CNN1: variants seen among roughly 807,000 people sequenced by gnomAD.
CNN1 encodes calponin 1.
CNN1 carries 21 observed loss-of-function variants against 35.3 expected under a neutral mutation model. The observed-to-expected ratio is 0.60, with a 90% CI of 0.42 to 0.86. The LOEUF is 0.86. CNN1 is among the 40% of genes least tolerant of loss of function. The pLI, the probability that CNN1 is intolerant of heterozygous loss-of-function variation, is 0.00. For missense variants in CNN1, 314 were observed against 400.8 expected (o/e 0.78, Z 1.85); for synonymous variants, 164 against 161.8 (o/e 1.01, Z -0.10).
rs1017505362 is a variant in CNN1 at position 11,549,730 on chromosome 19, G to C, written c.829G>C (p.Glu277Gln). Residue 277 changes from glutamate to glutamine, a missense_variant, in exon 7 of 7, where the codon GAG becomes CAG. Physicochemically the swap from Glu to Gln is conservative, Grantham distance 29 (BLOSUM62 2). Coordinates refer to ENST00000252456, the MANE Select transcript of CNN1 (RefSeq NM_001299.6). This position sits in a 1 kb window ranked among gnomAD's most constrained non-coding sequence, Gnocchi z 5.2. ...CGACCCCAAGTACTGTCTGACTCCC[G>C]AGTACCCAGAGCTGGGTGAGCCCGC... is the stretch of plus-strand genomic sequence containing the variant. ...VYDPKYCLTP[E>Q]YPELGEPAHN... 2 of 1,614,192 alleles carry C rather than the reference G, an allele frequency of 1.2e-6. No homozygotes were observed. The highest frequency in any genetic ancestry group is 1.7e-6 in the Non-Finnish European group (2 of 1,180,018).
intron 1 of CNN1, 47 bp downstream of exon 1, chr19:11,539,037 C>T (rs1311518107): frequency 2.0e-6 from 3 of 1,478,876 alleles, no homozygotes; most frequent in Admixed American, 4.6e-5. Context: ...TCCTGCCAGG[C>T]CAGAGCCCTG....
At chr19:11,545,646 G>A (rs1972563636) in intron 2 of CNN1, among the ~76,000 whole-genome samples, 1 of 151,752 alleles carries the variant, frequency 6.6e-6, no homozygotes, top group African/African-American at 2.4e-5. Flanking sequence ...GGCATATGGA[G>A]GCACTTAAAG....
At chr19:11,539,395 G>A (rs1972408843) in intron 1 of CNN1, 10 of 1,069,026 alleles carry the variant, frequency 9.4e-6, no homozygotes, top group Non-Finnish European at 1.1e-5. Context: ...TGAAAGTGTG[G>A]GAGATCCTGA....
intron 5 of CNN1, among the ~76,000 whole-genome samples, chr19:11,548,168 T>A (rs1408894038): frequency 6.6e-6 from 1 of 152,158 alleles, no homozygotes; most frequent in African/African-American, 2.4e-5. Context: ...TTCCAGCTGA[T>A]GCGTGGCAGG....
intron 2 of CNN1, among the ~76,000 whole-genome samples, chr19:11,545,440 C>G (rs1482179481): frequency 7.0e-6 from 1 of 142,728 alleles, no homozygotes; most frequent in Non-Finnish European, 1.5e-5. Flanking sequence ...GGGGGCAAGT[C>G]CAAGGGCTCT....
rs1301746606 is a variant in CNN1, at chr19:11,539,371, G to A, written c.63+381G>A. 4 of 1,076,402 alleles carry A rather than the reference G, an allele frequency of 3.7e-6. No individual in the cohort carries two copies. The Admixed American group carries it at 2.0e-4, about 54-fold the overall frequency. The allele number at this position is 1,076,402 out of a possible 1,614,324, so 66.7% of individuals were successfully genotyped here. Reference sequence around the variant, plus strand: ...GGAGCGCTTGAGTGCTGGGGTACCTGGGAAGTGACGCCGTGAAAGTGTGGG... The same window carrying A: ...GGAGCGCTTGAGTGCTGGGGTACCTAGGAAGTGACGCCGTGAAAGTGTGGG... On this transcript the variant is annotated intron_variant, in intron 1 of 6. Coordinates refer to ENST00000252456, the MANE Select transcript of CNN1 (RefSeq NM_001299.6).
intron 1 of CNN1, chr19:11,539,402 C>T: frequency 9.3e-7 from 1 of 1,071,056 alleles, no homozygotes; most frequent in Non-Finnish European, 1.1e-6. Context: ...GTGGGAGATC[C>T]TGAAGACAGA....
At chr19:11,547,267 C>A (rs989862696) in intron 4 of CNN1, among the ~76,000 whole-genome samples, 10 of 151,944 alleles carry the variant, frequency 6.6e-5, no homozygotes, top group African/African-American at 2.4e-4. Flanking sequence ...CGTGGTGACG[C>A]ATGCCTGTAA....
At chr19:11,541,256 C>T in intron 2 of CNN1, 59 bp downstream of exon 2, 9 of 1,482,338 alleles carry the variant, frequency 6.1e-6, no homozygotes, top group Non-Finnish European at 8.1e-6. Flanking sequence ...TGCAGCCCCT[C>T]AACCCCCAAA....
chr19:11,541,649 C>T (rs1972464151), intron 2 of CNN1, among the ~76,000 whole-genome samples: 1 of 152,202 alleles, frequency 6.6e-6, no homozygotes, highest in Non-Finnish European at 1.5e-5. Flanking sequence ...AGTGCAGAGA[C>T]ACAATCTCGG....
Position 11,546,780 on chromosome 19 carries a change from GCCCCTCAGACCT to G in CNN1, c.253-45_253-34del, listed in dbSNP as rs565378467. 1.3e-4 allele frequency: 204 copies of G among 1,614,064 alleles called. 2 individuals carry two copies. In the South Asian group the frequency reaches 2.2e-3, roughly 17 times the overall value. On this transcript the variant is annotated intron_variant, in intron 3 of 6. Transcript: ENST00000252456. ...CAATCTCTTCCATCCTTGCCCGCAAGCCCCTCAGACCTCCCCTCCCCACCCAGTGACCACCAC... is the reference window on the plus strand; with the variant it reads ...CAATCTCTTCCATCCTTGCCCGCAAGCCCCTCCCCACCCAGTGACCACCAC...
In CNN1 at chr19:11,549,961, C is replaced by A; in HGVS notation, c.*166C>A. 9.5e-7 allele frequency: 1 copy of A among 1,057,808 alleles called. No individual in the cohort carries two copies. The highest frequency in any genetic ancestry group is 1.3e-6 in the Non-Finnish European group (1 of 747,694). 65.5% of individuals were successfully genotyped at this position (1,057,808 alleles called of 1,614,324 possible). Reference sequence around the variant, plus strand: ...TGGAGAGAGCAGACTGGCGGGGGGCCCATTGGGGGGAAGGGGACCCTCCGC... The same window carrying A: ...TGGAGAGAGCAGACTGGCGGGGGGCACATTGGGGGGAAGGGGACCCTCCGC... On this transcript the variant is annotated 3_prime_UTR_variant, in exon 7 of 7. Coordinates refer to ENST00000252456, the MANE Select transcript of CNN1 (RefSeq NM_001299.6). This position sits in a 1 kb window ranked among gnomAD's most constrained non-coding sequence, Gnocchi z 5.2.
chr19:11,540,961 G>T, intron 1 of CNN1, 115 bp from the exon 2 acceptor site: 1 of 1,187,388 alleles, frequency 8.4e-7, no homozygotes. Context: ...GCCTTAGTTG[G>T]GAAGGACGAG....
chr19:11,547,041 C>T lies in CNN1; in HGVS notation c.390+72C>T, dbSNP rs532903770. The T allele has an allele frequency of 1.2e-3, 1,905 of 1,593,112 alleles. 26 individuals are homozygous for T. Among genetic ancestry groups the T allele is most frequent in the South Asian group, 2.8e-4 (25 of 89,972 alleles). ...TGGGATGCAGGTGTGGCCACTTGTG[C>T]TCCTGAGCCCAGTGAAGGTGGCGGA... On this transcript the variant is annotated intron_variant, in intron 4 of 6. Transcript: ENST00000252456.
intron 2 of CNN1, 128 bp downstream of exon 2, chr19:11,541,325 A>T: frequency 1.6e-6 from 2 of 1,250,304 alleles, no homozygotes; most frequent in Non-Finnish European, 2.1e-6. Context: ...TGGGGTGGCC[A>T]GTAATCATTG....
At chr19:11,539,764 T>G in intron 1 of CNN1, 1 of 879,798 alleles carries the variant, frequency 1.1e-6, no homozygotes, top group South Asian at 2.4e-5. Context: ...GGTGAGGAAG[T>G]GGGGGACTGG....
intron 2 of CNN1, among the ~76,000 whole-genome samples, chr19:11,542,882 A>G (rs994009256): frequency 6.6e-6 from 1 of 152,102 alleles, no homozygotes; most frequent in African/African-American, 2.4e-5. Context: ...CTCCACTGCA[A>G]TCTTAATGCA....
Position 11,550,037 on chromosome 19 carries a change from C to A in CNN1, c.*242C>A. ...AGAGCCGGGTGTCCCCAACAGCGCC[C>A]AAAGGACGCACTGAGCAACGCTATT... On this transcript the variant is annotated 3_prime_UTR_variant, in exon 7 of 7. Coordinates refer to ENST00000252456, the MANE Select transcript of CNN1 (RefSeq NM_001299.6). The A allele has an allele frequency of 2.0e-6, 1 of 502,560 alleles. No homozygotes were observed. The highest frequency in any genetic ancestry group is 3.4e-6 in the Non-Finnish European group (1 of 291,908). 31.1% of individuals were successfully genotyped at this position (502,560 alleles called of 1,614,324 possible).
intron 4 of CNN1, 105 bp downstream of exon 4, chr19:11,547,074 G>A (rs369734539): frequency 2.4e-5 from 37 of 1,527,738 alleles, no homozygotes; most frequent in East Asian, 1.1e-4. Context: ...GGAGCGGGGG[G>A]CAGGGATCGG....
Sources: gnomAD v4.1 joint callset for allele counts (sites outside exome capture counted in the v4.1 genomes callset) on GRCh38, gnomAD v4.1.1 for gene constraint, Gnocchi (gnomAD v3.1) non-coding constraint, MANE v1.5 for transcripts, NCBI Gene and HGNC (gene_info 2026-07-23, HGNC 2026-07-21) for gene names.